The following EPB41L2 variants were observed in gnomAD, a reference collection of about 807,000 sequenced individuals.
EPB41L2 encodes band 4.1-like protein 2.
A neutral mutation model predicts 113.0 loss-of-function variants in EPB41L2; 43 were observed. That is an observed-to-expected ratio of 0.38 (90% confidence interval 0.30 to 0.49). The LOEUF (loss-of-function observed/expected upper bound fraction) is 0.49. EPB41L2 is among the 20% of genes least tolerant of loss of function. The pLI is 0.95. For synonymous variants in EPB41L2, 442 were observed against 436.7 expected (o/e 1.01, Z -0.15); for missense variants, 1,147 against 1,223.4 (o/e 0.94, Z 0.93).
chr6:130,870,558 C>T (rs1785302236), intron 14 of EPB41L2, among the ~76,000 whole-genome samples: 2 of 152,126 alleles, frequency 1.3e-5, no homozygotes, highest in Admixed American at 6.5e-5. Flanking sequence ...TACAAAAAGA[C>T]ACAAAAACAG....
intron 1 of EPB41L2, among the ~76,000 whole-genome samples, chr6:131,033,164 G>A (rs1011495394): frequency 6.6e-6 from 1 of 152,090 alleles, no homozygotes; most frequent in Non-Finnish European, 1.5e-5. Flanking sequence ...GTGAGCCACT[G>A]TGCCTGGCCA....
chr6:130,850,800 C>T (rs1778569051), intron 19 of EPB41L2, among the ~76,000 whole-genome samples: 1 of 152,148 alleles, frequency 6.6e-6, no homozygotes, highest in South Asian at 2.1e-4. Context: ...GTGACTACTG[C>T]CTGGTCTTAA....
intron 1 of EPB41L2, among the ~76,000 whole-genome samples, chr6:131,009,406 T>C (rs896394913): frequency 6.6e-6 from 1 of 152,148 alleles, no homozygotes; most frequent in Non-Finnish European, 1.5e-5. Context: ...CATAGCAGCA[T>C]GAGAACAGAC....
chr6:130,857,304 T>C (rs561564296), intron 19 of EPB41L2, among the ~76,000 whole-genome samples: 4 of 152,328 alleles, frequency 2.6e-5, no homozygotes, highest in South Asian at 2.1e-4. Flanking sequence ...ATTGATCTTT[T>C]AGTTTGCACA....
chr6:130,876,221 G>C (rs1215118600), intron 14 of EPB41L2, among the ~76,000 whole-genome samples: 2 of 152,068 alleles, frequency 1.3e-5, no homozygotes, highest in Non-Finnish European at 2.9e-5. Context: ...GGGCTGCTAT[G>C]GTGCATCAAA....
intron 1 of EPB41L2, among the ~76,000 whole-genome samples, chr6:131,004,091 C>T (rs1784931215): frequency 6.6e-6 from 1 of 152,200 alleles, no homozygotes; most frequent in Admixed American, 6.5e-5. Flanking sequence ...TATTTAATAT[C>T]TGGCAGGCCT....
intron 1 of EPB41L2, among the ~76,000 whole-genome samples, chr6:130,994,200 T>C (rs1383737905): frequency 1.3e-5 from 2 of 152,104 alleles, no homozygotes; most frequent in Non-Finnish European, 2.9e-5. Flanking sequence ...CTAAGAGTAA[T>C]GTAGCCCCTT....
At chr6:130,941,395 T>C (rs1386896476) in intron 3 of EPB41L2, among the ~76,000 whole-genome samples, 1 of 152,248 alleles carries the variant, frequency 6.6e-6, no homozygotes, top group Admixed American at 6.5e-5. Context: ...ATCGAACTTC[T>C]AGCCAGAAGC....
intron 6 of EPB41L2, among the ~76,000 whole-genome samples, chr6:130,903,893 T>C (rs145703790): frequency 6.6e-6 from 1 of 152,314 alleles, no homozygotes; most frequent in African/African-American, 2.4e-5. Context: ...AATATTCTCT[T>C]GCTCCTAAAC....
chr6:131,025,485 C>T (rs748649216), intron 1 of EPB41L2, among the ~76,000 whole-genome samples: 11 of 152,218 alleles, frequency 7.2e-5, no homozygotes, highest in Middle Eastern at 6.8e-3. Context: ...CTTGATCAAT[C>T]GGCAAAGTCA....
chr6:130,865,606 C>A lies in EPB41L2; in HGVS notation c.2759G>T (p.Gly920Val). 1.2e-6 allele frequency: 2 copies of A among 1,614,104 alleles called. No homozygotes were observed. The highest frequency in any genetic ancestry group is 1.7e-6 in the Non-Finnish European group (2 of 1,179,996). The change falls in exon 17 of 20, where the codon GGC (glycine) becomes GTC (valine). Residue 920 changes from glycine (G) to valine (V), a missense_variant. Physicochemically the swap from Gly to Val is moderately radical, Grantham distance 109 (BLOSUM62 -3). Coordinates refer to ENST00000337057, the MANE Select transcript of EPB41L2 (RefSeq NM_001431.4). ...QIDGGAGGDSGTLLTAQTITS... is the reference protein window; with the variant it reads ...QIDGGAGGDSVTLLTAQTITS... ...GATGGTTTGTGCGGTCAGTAACGTG[C>A]CCGAATCACCACCAGCCCCGCCATC...
intron 1 of EPB41L2, among the ~76,000 whole-genome samples, chr6:131,041,361 C>T (rs542961490): frequency 6.6e-6 from 1 of 152,128 alleles, no homozygotes; most frequent in East Asian, 1.9e-4. Context: ...AACCATTAGG[C>T]AAAAAAGCTT....
At position 130,945,155 on chromosome 6, in the gene EPB41L2, C is replaced by T. The variant is rs528631586; in HGVS notation, c.705+9950G>A. ...GAATCTTATAGAGTGCCATAACTTC[C>T]AGATCCTCTACAAATATGTAGATAG... is the stretch of plus-strand genomic sequence containing the variant. On this transcript the variant is annotated intron_variant, in intron 3 of 19. Coordinates refer to ENST00000337057, the MANE Select transcript of EPB41L2 (RefSeq NM_001431.4). Among the ~76,000 whole-genome samples the T allele has an allele frequency of 7.9e-5, 12 of 152,200 alleles. 1 individual carries two copies. In the South Asian group the frequency reaches 1.5e-3, roughly 18 times the overall value.
At position 130,901,107 on chromosome 6, in the gene EPB41L2, G is replaced by C; in HGVS notation, c.1003C>G (p.Leu335Val). 6.2e-7 allele frequency: 1 copy of C among 1,614,108 alleles called. No homozygotes were observed. The highest frequency in any genetic ancestry group is 1.1e-5 in the South Asian group (1 of 91,066). Residue 335 changes from leucine to valine, a missense_variant, in exon 7 of 20, where the codon CTC (leucine) becomes GTC (valine). Leu to Val is a conservative substitution (Grantham distance 32, BLOSUM62 1). Transcript: ENST00000337057. ...GCCTGCAGGGTGTAGGATCCCAGGA[G>C]AGCATGAGTCACAAAAGAGCAGGGC... ...RLPCSFVTHALLGSYTLQAEL... is the reference protein window; with the variant it reads ...RLPCSFVTHAVLGSYTLQAEL...
chr6:130,929,640 A>C (rs1430408448), intron 3 of EPB41L2, among the ~76,000 whole-genome samples: 1 of 152,146 alleles, frequency 6.6e-6, no homozygotes, highest in Non-Finnish European at 1.5e-5. Flanking sequence ...CTGGCAGAGA[A>C]AGAGAATGAA....
intron 1 of EPB41L2, among the ~76,000 whole-genome samples, chr6:131,055,215 C>T (rs932455839): frequency 1.3e-5 from 2 of 152,102 alleles, no homozygotes; most frequent in Non-Finnish European, 2.9e-5. Context: ...CTTTCTAAAT[C>T]ATATAAAGCA....
intron 1 of EPB41L2, among the ~76,000 whole-genome samples, chr6:130,983,564 G>A (rs1167432170): frequency 6.8e-6 from 1 of 146,636 alleles, no homozygotes; most frequent in African/African-American, 2.6e-5. Context: ...TCACCTGAAA[G>A]TTCACCCAGG....
In EPB41L2 at chr6:130,986,754, G is replaced by C. The variant is rs1024241324; in HGVS notation, c.-14-30255C>G. 2.0e-5 allele frequency among the ~76,000 whole-genome samples: 3 copies of C among 152,060 alleles called. No homozygotes were observed. The East Asian group carries it at 5.8e-4, about 29-fold the overall frequency. ...GCACGTGCCACCACACCCGGCTCAT[G>C]TTCTGAGATAGTAGTAATGGTTGAA... On this transcript the variant is annotated intron_variant, in intron 1 of 19. Transcript: ENST00000337057.
chr6:130,870,279 G>T (rs954246754), intron 14 of EPB41L2, 153 bp from the exon 15 acceptor site: 3 of 1,545,786 alleles, frequency 1.9e-6, no homozygotes, highest in African/African-American at 1.4e-5. Flanking sequence ...AAACGTGAGG[G>T]CAATGAGAAA....
Sources: gnomAD v4.1 joint callset for allele counts (sites outside exome capture counted in the v4.1 genomes callset) on GRCh38, gnomAD v4.1.1 for gene constraint, MANE v1.5 for transcripts, NCBI Gene and HGNC (gene_info 2026-07-23, HGNC 2026-07-21) for gene names.